The following ADGRL4 variants were observed in gnomAD, a reference collection of about 807,000 sequenced individuals.
The protein encoded by ADGRL4 is adhesion G protein-coupled receptor L4.
In ADGRL4, 90 loss-of-function variants were observed where a neutral mutation model predicts 74.8. The ratio of observed to expected loss-of-function variants is 1.20; its 90% CI spans 1.02 to 1.43. The LOEUF is 1.43. Among genes scored for constraint, ADGRL4 ranks in the 40% most tolerant of loss-of-function variants. The probability of loss-of-function intolerance (pLI) is 0.00; values close to 1 mark genes in which losing one functional copy is unlikely to be tolerated. For synonymous variants in ADGRL4, 311 were observed against 279.2 expected (o/e 1.11, Z -1.14); for missense variants, 881 against 814.3 (o/e 1.08, Z -1.00).
intron 2 of ADGRL4, among the ~76,000 whole-genome samples, chr1:78,966,844 A>G (rs1343196025): frequency 6.7e-6 from 1 of 150,060 alleles, no homozygotes; most frequent in East Asian, 1.9e-4. Flanking sequence ...TTAACTTTTA[A>G]GCTAGTTTTT....
At chr1:78,994,908 T>G (rs139598153) in intron 2 of ADGRL4, among the ~76,000 whole-genome samples, 86 of 152,330 alleles carry the variant, frequency 5.6e-4, no homozygotes, top group African/African-American at 1.9e-3. Context: ...CTACTGCCTG[T>G]CTGATCAATT....
rs1462448263 is a variant in ADGRL4 at position 78,938,216 on chromosome 1, G to T, written c.460C>A (p.Leu154Ile). ...TATGTAATTATATCTGTTGGTGAAA[G>T]ATCTGTCACAGAATTTCTATAGACT... ...QEVYRNSVTD[L>I]SPTDIITYIE... Residue 154 changes from leucine to isoleucine, a missense_variant, in exon 5 of 15, where the codon CTT becomes ATT. Physicochemically the swap from Leu to Ile is conservative, Grantham distance 5. Transcript: ENST00000370742. The T allele has an allele frequency of 1.9e-6, 3 of 1,611,190 alleles. No homozygotes were observed. The highest frequency in any genetic ancestry group is 2.7e-5 in the African/African-American group (2 of 74,810).
chr1:78,960,588 G>GT (rs1649929973), intron 2 of ADGRL4, among the ~76,000 whole-genome samples: 1 of 152,124 alleles, frequency 6.6e-6, no homozygotes, highest in Admixed American at 6.6e-5. Flanking sequence ...ACTTTACTGT[G>GT]TGCTTCTTAA....
intron 2 of ADGRL4, among the ~76,000 whole-genome samples, chr1:78,970,383 G>T (rs1650145530): frequency 1.3e-5 from 2 of 152,196 alleles, no homozygotes; most frequent in Non-Finnish European, 2.9e-5. Flanking sequence ...GCTAGTATCT[G>T]TAGCATAAAT....
chr1:78,909,979 C>G (rs1287190245), intron 12 of ADGRL4, among the ~76,000 whole-genome samples: 1 of 151,538 alleles, frequency 6.6e-6, no homozygotes, highest in Non-Finnish European at 1.5e-5. Context: ...TATATTCTAA[C>G]AAGGAAAAAT....
At chr1:78,950,440 A>G (rs1649699784) in intron 2 of ADGRL4, among the ~76,000 whole-genome samples, 1 of 152,180 alleles carries the variant, frequency 6.6e-6, no homozygotes, top group African/African-American at 2.4e-5. Context: ...ATGTCCATCA[A>G]CAGGTTTTAT....
intron 3 of ADGRL4, among the ~76,000 whole-genome samples, chr1:78,945,906 A>C (rs181546144): frequency 2.6e-5 from 4 of 152,302 alleles, no homozygotes; most frequent in Middle Eastern, 3.4e-3. Flanking sequence ...CAAAGGCCTC[A>C]GTATCTTTTA....
intron 2 of ADGRL4, 91 bp from the exon 3 acceptor site, chr1:78,946,517 G>C (rs1649604668): frequency 9.2e-7 from 1 of 1,083,384 alleles, no homozygotes; most frequent in Non-Finnish European, 1.3e-6. Context: ...TTGACTGTTA[G>C]ATAGTTTAAG....
chr1:79,000,137 T>G (rs982668660), intron 2 of ADGRL4, among the ~76,000 whole-genome samples: 1 of 152,176 alleles, frequency 6.6e-6, no homozygotes, highest in African/African-American at 2.4e-5. Context: ...CTTTTCTGGT[T>G]CTAAATATTC....
chr1:78,984,690 A>C (rs113606129), intron 2 of ADGRL4, among the ~76,000 whole-genome samples: 7,370 of 151,238 alleles, frequency 0.049, 263 homozygotes, highest in African/African-American at 0.09. Flanking sequence ...TTTCTTAAAA[A>C]ACACACACAC....
In ADGRL4 at chr1:78,998,558, C is replaced by T. The variant is rs374526947; in HGVS notation, c.172+6512G>A. Among the ~76,000 whole-genome samples, 404 of 151,794 alleles carry T rather than the reference C, an allele frequency of 2.7e-3. 2 individuals are homozygous for T. The highest frequency in any genetic ancestry group is 9.3e-3 in the African/African-American group (386 of 41,420). ...CTAATTTTTGTATTTTTAGTAGAGA[C>T]GGGGTTTCACCATGTTTGCCAGGAT... On this transcript the variant is annotated intron_variant, in intron 2 of 14. Coordinates refer to ENST00000370742, the MANE Select transcript of ADGRL4 (RefSeq NM_022159.4).
At chr1:78,971,620 C>CTAAT (rs1238783009) in intron 2 of ADGRL4, among the ~76,000 whole-genome samples, 1 of 152,180 alleles carries the variant, frequency 6.6e-6, no homozygotes, top group East Asian at 1.9e-4. Flanking sequence ...ATCTGTGAGC[C>CTAAT]TAATGTCATG....
intron 12 of ADGRL4, among the ~76,000 whole-genome samples, chr1:78,903,247 C>A (rs1648556665): frequency 6.6e-6 from 1 of 152,116 alleles, no homozygotes; most frequent in South Asian, 2.1e-4. Context: ...TGTCATCTTA[C>A]ACTATTTAGT....
At chr1:78,929,547 A>G (rs1649196382) in intron 7 of ADGRL4, among the ~76,000 whole-genome samples, 1 of 151,392 alleles carries the variant, frequency 6.6e-6, no homozygotes, top group Admixed American at 6.6e-5. Context: ...CTTGTGCTGC[A>G]TAGACCTCCT....
intron 13 of ADGRL4, among the ~76,000 whole-genome samples, chr1:78,892,054 A>G (rs1469164858): frequency 6.6e-6 from 1 of 152,132 alleles, no homozygotes; most frequent in Non-Finnish European, 1.5e-5. Context: ...CAAAGGTAAG[A>G]CATATATCTG....
chr1:78,900,832 C>T (rs564458785), intron 12 of ADGRL4, among the ~76,000 whole-genome samples: 9 of 152,046 alleles, frequency 5.9e-5, no homozygotes, highest in East Asian at 1.9e-4. Flanking sequence ...TTCTGTGTAG[C>T]GGTGTGAGAA....
intron 2 of ADGRL4, among the ~76,000 whole-genome samples, chr1:78,970,303 C>G (rs959108987): frequency 6.6e-6 from 1 of 152,184 alleles, no homozygotes; most frequent in African/African-American, 2.4e-5. Flanking sequence ...AGGCAGAGTG[C>G]AGGTAAGCAT....
Position 78,890,444 on chromosome 1 carries a change from T to G in ADGRL4, c.*710A>C, listed in dbSNP as rs1648244894. The G allele has an allele frequency of 1.3e-5, 2 of 151,792 alleles. No individual in the cohort carries two copies. Among genetic ancestry groups the G allele is most frequent in the Admixed American group, 1.3e-4 (2 of 15,228 alleles). The allele number at this position is 151,792 out of a possible 1,614,324, so 9.4% of individuals were successfully genotyped here. On this transcript the variant is annotated 3_prime_UTR_variant, in exon 15 of 15. Transcript: ENST00000370742. The stretch of plus-strand genomic sequence containing the variant: ...AAATAGTATATATCTCAGTCTAACC[T>G]TAGAAACAGATTTTTTTCACTTTTT...
chr1:79,003,767 G>A (rs895192312), intron 2 of ADGRL4, among the ~76,000 whole-genome samples: 1 of 151,978 alleles, frequency 6.6e-6, no homozygotes, highest in Non-Finnish European at 1.5e-5. Flanking sequence ...AATTTGTAAT[G>A]ATTAGTGGAA....
Sources: allele counts gnomAD v4.1 joint callset (sites outside exome capture counted in the v4.1 genomes callset), GRCh38; gene constraint gnomAD v4.1.1; transcripts MANE v1.5; gene names NCBI Gene and HGNC (gene_info 2026-07-23, HGNC 2026-07-21).